The following MEIS2 variants were observed in gnomAD, a reference collection of about 807,000 sequenced individuals.
The protein encoded by MEIS2 is homeobox protein Meis2.
MEIS2 carries 9 observed loss-of-function variants against 58.6 expected under a neutral mutation model. The ratio of observed to expected loss-of-function variants is 0.15; its 90% CI spans 0.09 to 0.27. MEIS2 has a LOEUF of 0.27. Ranked by LOEUF, MEIS2 falls within the 10% of genes least tolerant of loss-of-function variation. The probability of loss-of-function intolerance (pLI) is 1.00; values close to 1 mark genes in which losing one functional copy is unlikely to be tolerated. For missense variants in MEIS2, 427 were observed against 635.0 expected, an observed-to-expected ratio of 0.67 and a Z score of 3.52; for synonymous variants, 221 against 228.4, an observed-to-expected ratio of 0.97 and a Z score of 0.29.
rs757524401 is a variant in MEIS2 at position 36,956,021 on chromosome 15, C to CAAAAA, written c.901-5626_901-5622dup. On this transcript the variant is annotated intron_variant, in intron 8 of 11. Transcript: ENST00000561208. ...TGAAACCCCGTTTCTACTAAAAATACAAAAAAAAAAAAAAAAAAAAAAAAA... is the reference window on the plus strand; with the variant it reads ...TGAAACCCCGTTTCTACTAAAAATACAAAAAAAAAAAAAAAAAAAAAAAAAAAAAA... Among the ~76,000 whole-genome samples, 100 of 46,602 alleles carry CAAAAA rather than the reference C, an allele frequency of 2.1e-3. 4 individuals are homozygous for CAAAAA. The highest frequency in any genetic ancestry group is 0.017 in the Middle Eastern group (1 of 60). 30.6% of individuals were successfully genotyped at this position (46,602 alleles called of 152,430 possible).
chr15:36,979,109 A>G (rs1250380809), intron 8 of MEIS2, among the ~76,000 whole-genome samples: 1 of 152,192 alleles, frequency 6.6e-6, no homozygotes, highest in East Asian at 1.9e-4. Flanking sequence ...CACTGACATG[A>G]TGCTACAAAT....
At chr15:37,068,470 A>C (rs1199879236) in intron 7 of MEIS2, among the ~76,000 whole-genome samples, 1 of 152,212 alleles carries the variant, frequency 6.6e-6, no homozygotes, top group African/African-American at 2.4e-5. Flanking sequence ...AAGTTGTCAC[A>C]AATTACTAGC....
At chr15:36,923,899 G>C (rs2057627971) in intron 9 of MEIS2, among the ~76,000 whole-genome samples, 1 of 152,154 alleles carries the variant, frequency 6.6e-6, no homozygotes, top group Non-Finnish European at 1.5e-5. Context: ...GTGGGAAAAG[G>C]GGCTGCAGAG....
At chr15:37,024,751 T>C (rs1282398622) in intron 8 of MEIS2, among the ~76,000 whole-genome samples, 2 of 152,206 alleles carry the variant, frequency 1.3e-5, no homozygotes, top group Admixed American at 1.3e-4. Context: ...AATGGGCCTA[T>C]GAGATCGCCA....
chr15:36,961,427 TA>T (rs2059176558), intron 8 of MEIS2, among the ~76,000 whole-genome samples: 2 of 152,114 alleles, frequency 1.3e-5, no homozygotes, highest in Admixed American at 1.3e-4. Context: ...GATTAAATAC[TA>T]AAATATCAAA....
At chr15:36,996,294 G>A (rs916034839) in intron 8 of MEIS2, among the ~76,000 whole-genome samples, 6 of 152,084 alleles carry the variant, frequency 3.9e-5, no homozygotes, top group Non-Finnish European at 7.4e-5. Flanking sequence ...CTTTTCAACA[G>A]CTCTAGGTGT....
Position 37,099,597 on chromosome 15 carries a change from A to G in MEIS2, c.-131T>C. Reference sequence around the variant, plus strand: ...AAGAGACTTCTCCCAATTCTCCAATATGCTATTTTTTAGGGGGGAAAAAAA... The same window carrying G: ...AAGAGACTTCTCCCAATTCTCCAATGTGCTATTTTTTAGGGGGGAAAAAAA... On this transcript the variant is annotated 5_prime_UTR_variant, in exon 1 of 12. Coordinates refer to ENST00000561208, the MANE Select transcript of MEIS2 (RefSeq NM_170675.5). 1 of 1,340,726 alleles carries G rather than the reference A, an allele frequency of 7.5e-7. No homozygotes were observed. The highest frequency in any genetic ancestry group is 1.5e-5 in the African/African-American group (1 of 67,426). 83.1% of individuals were successfully genotyped at this position (1,340,726 alleles called of 1,614,324 possible).
intron 8 of MEIS2, among the ~76,000 whole-genome samples, chr15:37,013,001 A>AG (rs1178818414): frequency 6.6e-6 from 1 of 152,212 alleles, no homozygotes; most frequent in Admixed American, 6.5e-5. Context: ...TTATTTAAAC[A>AG]GAAAAAAAGA....
chr15:36,906,651 G>GAAAA (rs56715244), intron 9 of MEIS2, among the ~76,000 whole-genome samples: 1 of 96,508 alleles, frequency 1.0e-5, no homozygotes, highest in Admixed American at 1.0e-4. Flanking sequence ...AGCCACTCAA[G>GAAAA]AAAAAAAAAA....
intron 4 of MEIS2, among the ~76,000 whole-genome samples, chr15:37,095,311 C>T (rs1171033114): frequency 6.6e-6 from 1 of 152,164 alleles, no homozygotes; most frequent in Non-Finnish European, 1.5e-5. Flanking sequence ...ACCTGGGAAA[C>T]ATCCCCTGCT....
intron 7 of MEIS2, among the ~76,000 whole-genome samples, chr15:37,044,889 G>A (rs1475514241): frequency 2.6e-5 from 4 of 152,160 alleles, no homozygotes; most frequent in Non-Finnish European, 5.9e-5. Flanking sequence ...TCAAATGTTA[G>A]TGAAATGTAC....
At chr15:36,916,944 T>C (rs2057304899) in intron 9 of MEIS2, among the ~76,000 whole-genome samples, 1 of 152,196 alleles carries the variant, frequency 6.6e-6, no homozygotes, top group Non-Finnish European at 1.5e-5. Context: ...TCTGATAATA[T>C]GCCTAAATTC....
upstream of MEIS2, chr15:37,100,563 C>A (rs1305621055): frequency 6.9e-5 from 1 of 14,574 alleles, no homozygotes. Flanking sequence ...CGGACAGCCC[C>A]GGCTGGGGGG....
At chr15:36,971,982 G>A (rs1055365321) in intron 8 of MEIS2, among the ~76,000 whole-genome samples, 93 of 152,194 alleles carry the variant, frequency 6.1e-4, no homozygotes, top group Non-Finnish European at 3.2e-4. Flanking sequence ...GGAGCAACAC[G>A]TAACTAAATT....
At chr15:37,026,957 A>G (rs2061728502) in intron 8 of MEIS2, among the ~76,000 whole-genome samples, 1 of 152,222 alleles carries the variant, frequency 6.6e-6, no homozygotes, top group Admixed American at 6.5e-5. Context: ...CAGAATATGA[A>G]TAGCAAATGT....
At chr15:37,043,723 C>T (rs2062540433) in intron 7 of MEIS2, among the ~76,000 whole-genome samples, 1 of 127,946 alleles carries the variant, frequency 7.8e-6, no homozygotes, top group Admixed American at 9.3e-5. Context: ...CCTACTAGCT[C>T]TGTTGCCGGG....
At chr15:37,072,571 C>T (rs1386208281) in intron 7 of MEIS2, among the ~76,000 whole-genome samples, 1 of 152,122 alleles carries the variant, frequency 6.6e-6, no homozygotes, top group Admixed American at 6.6e-5. Context: ...CAATATACTG[C>T]ATCACACTTA....
chr15:36,925,993 T>C (rs1225296240), intron 9 of MEIS2, among the ~76,000 whole-genome samples: 1 of 152,240 alleles, frequency 6.6e-6, no homozygotes, highest in East Asian at 1.9e-4. Context: ...TGCTTATTCG[T>C]AAAAACTGCA....
At chr15:37,051,782 G>C (rs2062929543) in intron 7 of MEIS2, among the ~76,000 whole-genome samples, 1 of 152,094 alleles carries the variant, frequency 6.6e-6, no homozygotes, top group Non-Finnish European at 1.5e-5. Flanking sequence ...TGGATGATTT[G>C]GGGCAGCATT....
Sources: allele counts gnomAD v4.1 joint callset (sites outside exome capture counted in the v4.1 genomes callset), GRCh38; gene constraint gnomAD v4.1.1; transcripts MANE v1.5; gene names NCBI Gene and HGNC (gene_info 2026-07-23, HGNC 2026-07-21).